The following IL13RA1 variants were observed in gnomAD, a reference collection of about 807,000 sequenced individuals.
IL13RA1 encodes the protein interleukin 13 receptor subunit alpha 1.
IL13RA1 carries 14 observed loss-of-function variants against 33.8 expected under a neutral mutation model. The observed-to-expected ratio is 0.41, with a 90% CI of 0.27 to 0.65. The LOEUF (loss-of-function observed/expected upper bound fraction) is 0.65, where lower values mean the gene tolerates loss of function less well. IL13RA1 is among the 30% of genes least tolerant of loss of function. The pLI is 0.28. For missense variants in IL13RA1, 313 were observed against 327.0 expected (o/e 0.96, Z 0.33); for synonymous variants, 116 against 115.7 (o/e 1.00, Z -0.02).
chrX:118,799,443 G>A (rs751442696), downstream of IL13RA1, among the ~76,000 whole-genome samples: 5 of 113,119 alleles, frequency 4.4e-5, no homozygotes, highest in Non-Finnish European at 9.4e-5. Flanking sequence ...GACGTGGAGA[G>A]TCTTTGTATG....
intron 9 of IL13RA1, among the ~76,000 whole-genome samples, chrX:118,775,141 G>A (rs762590291): frequency 4.9e-4 from 55 of 111,789 alleles, no homozygotes; most frequent in African/African-American, 1.8e-3. Context: ...CACCAAGAAA[G>A]TGACATTTGA....
chrX:118,731,041 T>C (rs770477058), intron 1 of IL13RA1, among the ~76,000 whole-genome samples: 3 of 112,427 alleles, frequency 2.7e-5, no homozygotes, highest in Non-Finnish European at 5.6e-5. Context: ...TGCCTTCTTA[T>C]GAAATAGTAG....
At chrX:118,764,291 A>T (rs1401560633) in intron 6 of IL13RA1, among the ~76,000 whole-genome samples, 2 of 106,196 alleles carry the variant, frequency 1.9e-5, no homozygotes, top group Non-Finnish European at 3.9e-5. Flanking sequence ...CATTTGAACA[A>T]GAGCCTAGAG....
At chrX:118,745,315 A>G (rs2017390615) in intron 2 of IL13RA1, among the ~76,000 whole-genome samples, 2 of 111,964 alleles carry the variant, frequency 1.8e-5, no homozygotes, top group African/African-American at 6.5e-5. Flanking sequence ...TGGAGGCCCT[A>G]CTGAGAGTAA....
In IL13RA1 at chrX:118,780,183, C is replaced by CT. The variant is rs200953412; in HGVS notation, c.1191+3675dup. ...CTTTTAACCAAATGAAAAAAATCTGCTTTCTTCACATGGCATCAATTCTCA... is the reference window on the plus strand; with the variant it reads ...CTTTTAACCAAATGAAAAAAATCTGCTTTTCTTCACATGGCATCAATTCTCA... On this transcript the variant is annotated intron_variant, in intron 10 of 10. Coordinates refer to ENST00000371666, the MANE Select transcript of IL13RA1 (RefSeq NM_001560.3). Among the ~76,000 whole-genome samples, 701 of 112,489 alleles carry CT rather than the reference C, an allele frequency of 6.2e-3. 4 individuals are homozygous for CT. Among genetic ancestry groups the CT allele is most frequent in the African/African-American group, 0.021 (637 of 31,012 alleles).
intron 4 of IL13RA1, among the ~76,000 whole-genome samples, chrX:118,751,623 A>C (rs1006125900): frequency 2.7e-5 from 3 of 110,202 alleles, no homozygotes; most frequent in Non-Finnish European, 5.7e-5. Context: ...TCTGGGGAAG[A>C]GCATTTTGAG....
intron 1 of IL13RA1, among the ~76,000 whole-genome samples, chrX:118,735,917 G>A (rs1010495916): frequency 3.6e-5 from 4 of 111,302 alleles, no homozygotes; most frequent in African/African-American, 1.3e-4. Context: ...CTGGTCTGCT[G>A]ATGGTGTACC....
downstream of IL13RA1, among the ~76,000 whole-genome samples, chrX:118,799,275 G>A (rs1005541529): frequency 8.9e-6 from 1 of 112,882 alleles, no homozygotes; most frequent in Admixed American, 9.3e-5. Flanking sequence ...CGAGCCTCCC[G>A]GACGAGCACT....
At chrX:118,805,196 T>G in the IL13RA1 span, among the ~76,000 whole-genome samples, 18 of 112,448 alleles carry the variant, frequency 1.6e-4, no homozygotes, top group African/African-American at 5.5e-4. Flanking sequence ...CCTTGGCTGC[T>G]GCACCTGATT....
chrX:118,764,196 T>G, intron 6 of IL13RA1, among the ~76,000 whole-genome samples: 2 of 55,132 alleles, frequency 3.6e-5, no homozygotes, highest in East Asian at 7.2e-4. Context: ...CACCCCCACC[T>G]TCCCAGCAGA....
intron 10 of IL13RA1, among the ~76,000 whole-genome samples, chrX:118,784,183 A>G (rs1309326104): frequency 1.0e-5 from 1 of 97,300 alleles, no homozygotes; most frequent in Non-Finnish European, 2.0e-5. Context: ...ATATTCTTTT[A>G]AAAGCAATAT....
At chrX:118,781,798 ATAT>A (rs1171333086) in intron 10 of IL13RA1, among the ~76,000 whole-genome samples, 3 of 112,343 alleles carry the variant, frequency 2.7e-5, no homozygotes, top group Non-Finnish European at 5.6e-5. Context: ...CAGGAGACAG[ATAT>A]TATCCAGTCA....
intron 4 of IL13RA1, among the ~76,000 whole-genome samples, chrX:118,755,340 C>T (rs1294425248): frequency 2.4e-4 from 27 of 110,605 alleles, no homozygotes; most frequent in Admixed American, 1.3e-3. Context: ...GAACAGACCC[C>T]GGCCTGAAGA....
chrX:118,773,988 C>T lies in IL13RA1; in HGVS notation c.1106+13C>T, dbSNP rs181985536. On this transcript the variant is annotated intron_variant, in intron 9 of 10. Coordinates refer to ENST00000371666, the MANE Select transcript of IL13RA1 (RefSeq NM_001560.3). ...TTTACCTAAAAAGGTAAGGTAGCTG[C>T]CCAGGCAGGTTTTGCAGTTTCTGAT... is the stretch of plus-strand genomic sequence containing the variant. 1.5e-5 allele frequency: 12 copies of T among 799,004 alleles called. No individual in the cohort carries two copies. The highest frequency in any genetic ancestry group is 2.8e-4 in the Middle Eastern group (1 of 3,571). 65.8% of individuals were successfully genotyped at this position (799,004 alleles called of 1,213,427 possible). A position where few individuals can be genotyped will look rare whatever the true frequency, so the allele number is the denominator to read the frequency against.
chrX:118,765,302 C>T (rs192003481), intron 6 of IL13RA1, among the ~76,000 whole-genome samples: 4 of 103,480 alleles, frequency 3.9e-5, no homozygotes, highest in Non-Finnish European at 7.8e-5. Flanking sequence ...GACGAGGTTT[C>T]GCCATGTTAG....
downstream of IL13RA1, among the ~76,000 whole-genome samples, chrX:118,799,416 C>T (rs900053652): frequency 8.6e-4 from 98 of 113,447 alleles, no homozygotes; most frequent in Non-Finnish European, 1.1e-3. Flanking sequence ...GCCAGCTGAG[C>T]TCCTGAGTCT....
chrX:118,770,231 C>T (rs1002901095), intron 8 of IL13RA1: 16 of 305,680 alleles, frequency 5.2e-5, no homozygotes, highest in Non-Finnish European at 8.9e-5. Flanking sequence ...AATGAGTGCA[C>T]CCACTGCGCC....
Position 118,761,153 on chromosome X carries a change from C to A in IL13RA1, c.692C>A (p.Pro231Gln). 9.6e-7 allele frequency: 1 copy of A among 1,040,305 alleles called. No homozygotes were observed. Among genetic ancestry groups the A allele is most frequent in the Non-Finnish European group, 1.3e-6 (1 of 765,199 alleles). The allele number at this position is 1,040,305 out of a possible 1,213,427, so 85.7% of individuals were successfully genotyped here. ...PLTSRVKPDP[P>Q]HIKNLSFHND... is the part of the protein sequence containing the mutation. The stretch of plus-strand genomic sequence containing the variant: ...TGTTTTTCAGTGAAACCTGATCCTC[C>A]ACATATTAAAAACCTCTCCTTCCAC... The change falls in exon 6 of 11, where the codon CCA (proline) becomes CAA (glutamine). Residue 231 changes from proline to glutamine, a missense_variant. Physicochemically the swap from Pro to Gln is moderately conservative, Grantham distance 76 (BLOSUM62 -1). Transcript: ENST00000371666.
At position 118,760,754 on chromosome X, in the gene IL13RA1, C is replaced by G. The variant is rs747029534; in HGVS notation, c.677-384C>G. 2.7e-5 allele frequency among the ~76,000 whole-genome samples: 3 copies of G among 112,117 alleles called. No homozygotes were observed. The Admixed American group carries it at 2.8e-4, about 11-fold the overall frequency. On this transcript the variant is annotated intron_variant, in intron 5 of 10. Coordinates refer to ENST00000371666, the MANE Select transcript of IL13RA1 (RefSeq NM_001560.3). ...GAACCCTGCATATATCTGCAGTTGT[C>G]TCTCAGTATTTGTGAGGGATTGCTT... is the stretch of plus-strand genomic sequence containing the variant.
Sources: allele counts gnomAD v4.1 joint callset (sites outside exome capture counted in the v4.1 genomes callset), GRCh38; gene constraint gnomAD v4.1.1; transcripts MANE v1.5; gene names NCBI Gene and HGNC (gene_info 2026-07-23, HGNC 2026-07-21).